The following SUN5 variants were observed in gnomAD, a reference collection of about 807,000 sequenced individuals.
SUN5 encodes the protein Sad1 and UNC84 domain containing 5.
A neutral mutation model predicts 53.7 loss-of-function variants in SUN5; 44 were observed. That is an observed-to-expected ratio of 0.82 (90% CI 0.64 to 1.05). SUN5 has a LOEUF of 1.05. SUN5 is among the 50% of genes least tolerant of loss of function. The pLI is 0.00. For synonymous variants in SUN5, 166 were observed against 179.8 expected (o/e 0.92, Z 0.62); for missense variants, 433 against 483.8 (o/e 0.90, Z 0.98).
intron 8 of SUN5, among the ~76,000 whole-genome samples, chr20:32,994,335 G>A (rs1412280496): frequency 2.0e-5 from 3 of 152,138 alleles, no homozygotes; most frequent in African/African-American, 4.8e-5. Context: ...ATACAATGTT[G>A]AGAAACCACT....
In SUN5 at chr20:33,004,375, G is replaced by A. The variant is rs1034271611; in HGVS notation, c.-35C>T. 3 of 1,529,688 alleles carry A rather than the reference G, an allele frequency of 2.0e-6. No homozygotes were observed. In the African/African-American group the frequency reaches 4.2e-5, roughly 21 times the overall value. 94.8% of individuals were successfully genotyped at this position (1,529,688 alleles called of 1,614,324 possible). ...TCTTTAGGATTGGGGATGGAGATGGGAACTCTGGGAGCTGGTGAGGAGGAA... is the reference window on the plus strand; with the variant it reads ...TCTTTAGGATTGGGGATGGAGATGGAAACTCTGGGAGCTGGTGAGGAGGAA... On this transcript the variant is annotated 5_prime_UTR_variant, in exon 1 of 13. Coordinates refer to ENST00000356173, the MANE Select transcript of SUN5 (RefSeq NM_080675.4).
intron 6 of SUN5, among the ~76,000 whole-genome samples, chr20:32,996,612 A>C: frequency 4.7e-5 from 2 of 42,958 alleles, no homozygotes; most frequent in South Asian, 6.8e-4. Context: ...ACCCTCCCTT[A>C]TCCATCTGTT....
At chr20:33,004,202 T>C in intron 1 of SUN5, 62 bp downstream of exon 1, 1 of 1,480,730 alleles carries the variant, frequency 6.8e-7, no homozygotes, top group South Asian at 1.3e-5. Context: ...AAGGACAGGG[T>C]GGAGGGGCAG....
rs1990090370 is a variant in SUN5, at chr20:33,002,879, C to T, written c.118G>A (p.Asp40Asn). Reference sequence around the variant, plus strand: ...TGCTCACTCATGTTTGGGGAGGTGTCCTCTGCCATCCTGCTGGTGTTCCGG... The same window carrying T: ...TGCTCACTCATGTTTGGGGAGGTGTTCTCTGCCATCCTGCTGGTGTTCCGG... Reference protein sequence around the residue: ...RGRNTSRMAEDTSPNMNDNIL... With the variant: ...RGRNTSRMAENTSPNMNDNIL... The change falls in exon 2 of 13, where the codon GAC becomes AAC. Residue 40 changes from aspartate to asparagine, a missense_variant. By Grantham distance (23) the Asp-to-Asn change is conservative. Coordinates refer to ENST00000356173, the MANE Select transcript of SUN5 (RefSeq NM_080675.4). 1 of 1,614,028 alleles carries T rather than the reference C, an allele frequency of 6.2e-7. No individual in the cohort carries two copies. Among genetic ancestry groups the T allele is most frequent in the Admixed American group, 1.7e-5 (1 of 60,002 alleles).
intron 10 of SUN5, among the ~76,000 whole-genome samples, chr20:32,987,176 C>T (rs1989566999): frequency 6.6e-6 from 1 of 152,226 alleles, no homozygotes; most frequent in African/African-American, 2.4e-5. Flanking sequence ...TCCTGGAGGG[C>T]TGAAGAGCTC....
At chr20:32,997,802 C>T (rs998650087) in intron 5 of SUN5, 115 bp from the exon 6 acceptor site, 7 of 1,062,308 alleles carry the variant, frequency 6.6e-6, no homozygotes, top group African/African-American at 1.6e-5. Flanking sequence ...CAGCATTGTG[C>T]AACACTGGGG....
rs1989791123 is a variant in SUN5, at chr20:32,994,561, AAAATC to A, written c.534+1053_534+1057del. Among the ~76,000 whole-genome samples, 3 of 148,532 alleles carry A rather than the reference AAAATC, an allele frequency of 2.0e-5. No homozygotes were observed. The South Asian group carries it at 6.9e-4, about 34-fold the overall frequency. ...CACCACAGAATTAAAGTCTGTGAAA[AAAATC>A]AAATGTATATCCTAGAACTAAACAA... On this transcript the variant is annotated intron_variant, in intron 8 of 12. Coordinates refer to ENST00000356173, the MANE Select transcript of SUN5 (RefSeq NM_080675.4).
chr20:32,987,755 G>A lies in SUN5; in HGVS notation c.634C>T (p.His212Tyr), dbSNP rs1424405219. Residue 212 changes from histidine (H) to tyrosine (Y), a missense_variant, in exon 10 of 13, where the codon CAC (histidine) becomes TAC (tyrosine). By Grantham distance (83) the His-to-Tyr change is moderately conservative (BLOSUM62 2). Transcript: ENST00000356173. ...KSIGASIDFEHTSVTYNHEKA... is the reference protein window; with the variant it reads ...KSIGASIDFEYTSVTYNHEKA... ...TCATGGTTATAGGTGACTGACGTGT[G>A]CTCAAAGTCAATGCTGGCCCCTGTA... 2 of 1,612,892 alleles carry A rather than the reference G, an allele frequency of 1.2e-6. No individual in the cohort carries two copies. The highest frequency in any genetic ancestry group is 1.1e-5 in the South Asian group (1 of 90,552).
Position 32,997,542 on chromosome 20 carries a change from C to T in SUN5, c.390+96G>A, listed in dbSNP as rs1989885004. 9.4e-6 allele frequency: 13 copies of T among 1,388,522 alleles called. No individual in the cohort carries two copies. In the East Asian group the frequency reaches 1.9e-4, roughly 20 times the overall value. 86.0% of individuals were successfully genotyped at this position (1,388,522 alleles called of 1,614,324 possible). ...GGTCAAGTCAGGAACTGATGAGGGG[C>T]CCCATTTGGTGAGAATGAATGGAGC... On this transcript the variant is annotated intron_variant, in intron 6 of 12. Coordinates refer to ENST00000356173, the MANE Select transcript of SUN5 (RefSeq NM_080675.4).
chr20:32,999,738 G>A, intron 5 of SUN5: 1 of 558,052 alleles, frequency 1.8e-6, no homozygotes, highest in Non-Finnish European at 3.1e-6. Context: ...GCCAGTATAT[G>A]TCAGTGGAGG....
chr20:32,993,236 G>A (rs2146330467), intron 8 of SUN5, among the ~76,000 whole-genome samples: 1 of 152,324 alleles, frequency 6.6e-6, no homozygotes, highest in South Asian at 2.1e-4. Flanking sequence ...TTTCCAGATT[G>A]ACGGATTCCA....
intron 2 of SUN5, 93 bp from the exon 3 acceptor site, chr20:33,002,754 C>T (rs1990085737): frequency 6.3e-7 from 1 of 1,594,128 alleles, no homozygotes; most frequent in Non-Finnish European, 8.6e-7. Flanking sequence ...GTGCGAACAT[C>T]CCTGCCCCTG....
In SUN5 at chr20:32,985,913, G is replaced by T. The variant is rs371703667; in HGVS notation, c.730-10C>A. 74 of 1,612,778 alleles carry T rather than the reference G, an allele frequency of 4.6e-5. No individual in the cohort carries two copies. Among genetic ancestry groups the T allele is most frequent in the Admixed American group, 6.7e-5 (4 of 59,928 alleles). ...CAGGTGTCACGTTGGGCTAGAAGAGGCAAGTACAATAAGGGATATGCTGGG... is the reference window on the plus strand; with the variant it reads ...CAGGTGTCACGTTGGGCTAGAAGAGTCAAGTACAATAAGGGATATGCTGGG... On this transcript the variant is annotated splice_polypyrimidine_tract_variant and intron_variant, in intron 10 of 12. Coordinates refer to ENST00000356173, the MANE Select transcript of SUN5 (RefSeq NM_080675.4).
At chr20:32,988,115 G>C (rs570106474) in intron 9 of SUN5, among the ~76,000 whole-genome samples, 1 of 152,148 alleles carries the variant, frequency 6.6e-6, no homozygotes, top group African/African-American at 2.4e-5. Flanking sequence ...CGGCCCCCAC[G>C]TCATAGGGCT....
At chr20:32,985,650 A>G (rs1989516571) in intron 11 of SUN5, 86 bp downstream of exon 11, 4 of 1,512,198 alleles carry the variant, frequency 2.6e-6, no homozygotes, top group Non-Finnish European at 2.7e-6. Flanking sequence ...AGTGTTGTGC[A>G]GACACTGTTT....
chr20:32,996,399 G>A, intron 6 of SUN5, 41 bp from the exon 7 acceptor site: 1 of 1,570,556 alleles, frequency 6.4e-7, no homozygotes, highest in Non-Finnish European at 8.7e-7. Flanking sequence ...CCTTCAGATG[G>A]CTTAATCTGG....
At chr20:32,984,917 G>A (rs1989493184) in intron 12 of SUN5, among the ~76,000 whole-genome samples, 182 bp downstream of exon 12, 2 of 152,200 alleles carry the variant, frequency 1.3e-5, no homozygotes. Flanking sequence ...TCTCCCTGGA[G>A]TCCCATTTGG....
intron 1 of SUN5, among the ~76,000 whole-genome samples, chr20:33,003,160 CAGA>C (rs1368856492): frequency 7.9e-5 from 12 of 152,252 alleles, no homozygotes; most frequent in Admixed American, 5.9e-4. Flanking sequence ...CCGAGGTTGG[CAGA>C]AGCTTGGTTT....
At chr20:33,001,355 G>A in intron 3 of SUN5, 77 bp from the exon 4 acceptor site, 1 of 1,512,028 alleles carries the variant, frequency 6.6e-7, no homozygotes. Context: ...TGACCTTTCT[G>A]GGGCTGGGGG....
Sources: allele counts gnomAD v4.1 joint callset (sites outside exome capture counted in the v4.1 genomes callset), GRCh38; gene constraint gnomAD v4.1.1; transcripts MANE v1.5; gene names NCBI Gene and HGNC (gene_info 2026-07-23, HGNC 2026-07-21).